TGFBR3: variants seen among roughly 807,000 people sequenced by gnomAD.
The protein encoded by TGFBR3 is transforming growth factor beta receptor 3.
TGFBR3 carries 46 observed loss-of-function variants against 87.9 expected under a neutral mutation model. That is an observed-to-expected ratio of 0.52 (90% CI 0.41 to 0.67). The LOEUF is 0.67. TGFBR3 is among the 30% of genes least tolerant of loss of function. TGFBR3 has a pLI of 0.00. For synonymous variants in TGFBR3, 381 were observed against 391.6 expected (o/e 0.97, Z 0.32); for missense variants, 866 against 1,041.9 (o/e 0.83, Z 2.32).
chr1:91,725,053 A>T (rs921484950), intron 7 of TGFBR3, among the ~76,000 whole-genome samples: 4 of 152,178 alleles, frequency 2.6e-5, no homozygotes, highest in Admixed American at 2.6e-4. Flanking sequence ...TTTATGTTTT[A>T]GAGGTTCTTC....
chr1:91,720,295 A>C, intron 8 of TGFBR3, 65 bp from the exon 9 acceptor site: 2 of 1,433,660 alleles, frequency 1.4e-6, no homozygotes, highest in Non-Finnish European at 1.9e-6. Context: ...ACATCATTAC[A>C]GGCAGAACAG....
chr1:91,683,821 G>A lies in TGFBR3; in HGVS notation c.2474C>T (p.Pro825Leu), dbSNP rs138603096. The A allele has an allele frequency of 3.6e-5, 58 of 1,607,114 alleles. No homozygotes were observed. The African/African-American group carries it at 4.4e-4, about 12-fold the overall frequency. ...AGCACTGCTGTTTTCCGAGGCTGGC[G>A]GGGAGGTGGGGACTTGCTGCCTTCC... is the stretch of plus-strand genomic sequence containing the variant. ...TAGRQQVPTS[P>L]PASENSSAAH... is the part of the protein sequence containing the mutation. The change falls in exon 17 of 17, where the codon CCG (proline) becomes CTG (leucine). Residue 825 changes from proline (P) to leucine (L), a missense_variant. Transcript: ENST00000212355.
At chr1:91,744,031 T>TATTATTTTGGATCTACTGGGTTAAACAA (rs1395240103) in intron 4 of TGFBR3, among the ~76,000 whole-genome samples, 18 of 152,292 alleles carry the variant, frequency 1.2e-4, no homozygotes, top group African/African-American at 3.4e-4. Context: ...GTTTAAGTGA[T>TATTATTTTGGATCTACTGGGTTAAACAA]ATTATTTTGG....
chr1:91,881,098 G>A (rs1679063683), intron 1 of TGFBR3, among the ~76,000 whole-genome samples: 1 of 152,110 alleles, frequency 6.6e-6, no homozygotes, highest in Non-Finnish European at 1.5e-5. Context: ...TTACAGCAAA[G>A]TTATTACTTA....
At position 91,727,768 on chromosome 1, in the gene TGFBR3, G is replaced by C; in HGVS notation, c.776C>G (p.Ser259Cys). 6.2e-7 allele frequency: 1 copy of C among 1,614,010 alleles called. No individual in the cohort carries two copies. The highest frequency in any genetic ancestry group is 8.5e-7 in the Non-Finnish European group (1 of 1,179,970). The change falls in exon 7 of 17, where the codon TCT (serine) becomes TGT (cysteine). Residue 259 changes from serine (S) to cysteine (C), a missense_variant. Physicochemically the swap from Ser to Cys is moderately radical, Grantham distance 112. Transcript: ENST00000212355. ...QVDITIDIRP[S>C]QEDLEVVKNL... ...TTTGACCACTTCAAGATCCTCTTGA[G>C]AAGGTCTTATATCAATTGTTATATC...
At chr1:91,719,235 A>T in intron 10 of TGFBR3, 77 bp downstream of exon 10, 1 of 1,602,340 alleles carries the variant, frequency 6.2e-7, no homozygotes, top group Non-Finnish European at 8.5e-7. Flanking sequence ...TCTTCAAAGA[A>T]ATGTTAAGAC....
chr1:91,851,436 G>A (rs1677730592), intron 2 of TGFBR3, among the ~76,000 whole-genome samples: 2 of 152,204 alleles, frequency 1.3e-5, no homozygotes, highest in African/African-American at 4.8e-5. Context: ...CCTCGGTGCT[G>A]AGCAGGGTCA....
intron 4 of TGFBR3, among the ~76,000 whole-genome samples, chr1:91,748,508 A>C (rs1673423895): frequency 6.6e-6 from 1 of 152,194 alleles, no homozygotes; most frequent in Admixed American, 6.5e-5. Flanking sequence ...TACTGAAATA[A>C]GTCATGCATA....
At chr1:91,816,140 C>T (rs1281348412) in intron 2 of TGFBR3, among the ~76,000 whole-genome samples, 1 of 151,946 alleles carries the variant, frequency 6.6e-6, no homozygotes, top group Non-Finnish European at 1.5e-5. Flanking sequence ...AACAGCAGCT[C>T]ATGGAGAAAG....
At chr1:91,785,820 T>TCTCTGTCGC (rs1270333943) in intron 3 of TGFBR3, among the ~76,000 whole-genome samples, 8 of 150,838 alleles carry the variant, frequency 5.3e-5, no homozygotes, top group African/African-American at 2.0e-4. Flanking sequence ...CAGGTTGGAG[T>TCTCTGTCGC]GCAGTGGCGC....
chr1:91,823,907 G>T (rs978815491), intron 2 of TGFBR3, among the ~76,000 whole-genome samples: 1 of 152,162 alleles, frequency 6.6e-6, no homozygotes, highest in Non-Finnish European at 1.5e-5. Context: ...AGGTGGGAGG[G>T]TTGCTTAAAC....
chr1:91,686,655 A>G (rs1208071548), intron 16 of TGFBR3, among the ~76,000 whole-genome samples: 1 of 152,234 alleles, frequency 6.6e-6, no homozygotes, highest in African/African-American at 2.4e-5. Context: ...AAAATTCACC[A>G]TGAGGAAGAA....
intron 2 of TGFBR3, among the ~76,000 whole-genome samples, chr1:91,853,025 G>T (rs975112455): frequency 6.6e-6 from 1 of 151,544 alleles, no homozygotes; most frequent in Non-Finnish European, 1.5e-5. Flanking sequence ...CAGGCATAGC[G>T]GCGTGCACCC....
At chr1:91,698,513 CTTT>C (rs35919369) in intron 14 of TGFBR3, among the ~76,000 whole-genome samples, 22 of 120,734 alleles carry the variant, frequency 1.8e-4, no homozygotes, top group African/African-American at 1.2e-4. Context: ...TCAAAATATT[CTTT>C]TTTTTTTTTT....
At chr1:91,723,476 G>C (rs1358806957) in intron 7 of TGFBR3, among the ~76,000 whole-genome samples, 1 of 97,372 alleles carries the variant, frequency 1.0e-5, no homozygotes. Flanking sequence ...GGGAGACCCT[G>C]CCTTAAAAAA....
chr1:91,809,044 C>A (rs17878299), intron 2 of TGFBR3, among the ~76,000 whole-genome samples: 1 of 152,116 alleles, frequency 6.6e-6, no homozygotes, highest in Non-Finnish European at 1.5e-5. Flanking sequence ...AATGCTTTAT[C>A]GACTTAGATT....
intron 6 of TGFBR3, among the ~76,000 whole-genome samples, chr1:91,729,065 CA>C (rs2100807740): frequency 7.9e-6 from 1 of 127,102 alleles, no homozygotes; most frequent in East Asian, 2.1e-4. Context: ...CACACACACA[CA>C]CACACACACA....
chr1:91,749,270 C>G (rs1191492962), intron 4 of TGFBR3, among the ~76,000 whole-genome samples: 1 of 152,154 alleles, frequency 6.6e-6, no homozygotes, highest in Non-Finnish European at 1.5e-5. Flanking sequence ...GACTGTGAGA[C>G]TTTTGCTAGA....
rs17885754 is a variant in TGFBR3 at position 91,825,337 on chromosome 1, A to C, written c.62-27866T>G. 7.5e-3 allele frequency among the ~76,000 whole-genome samples: 1,141 copies of C among 152,368 alleles called. 16 individuals carry two copies. The highest frequency in any genetic ancestry group is 0.026 in the African/African-American group (1,077 of 41,584). On this transcript the variant is annotated intron_variant, in intron 2 of 16. Transcript: ENST00000212355. Reference sequence around the variant, plus strand: ...GAATGAAATACCAAATACATGCTGCAACATGGATGAACCTTGAAAACATGC... The same window carrying C: ...GAATGAAATACCAAATACATGCTGCCACATGGATGAACCTTGAAAACATGC...
Sources: gnomAD v4.1 joint callset for allele counts (sites outside exome capture counted in the v4.1 genomes callset) on GRCh38, gnomAD v4.1.1 for gene constraint, MANE v1.5 for transcripts, NCBI Gene and HGNC (gene_info 2026-07-23, HGNC 2026-07-21) for gene names.